The following POFUT3 variants were observed in gnomAD, a reference collection of about 807,000 sequenced individuals.
POFUT3 encodes the protein protein O-fucosyltransferase 3.
chr8:33,407,421 A>G, the POFUT3 span, among the ~76,000 whole-genome samples: 1 of 152,236 alleles, frequency 6.6e-6, no homozygotes, highest in South Asian at 2.1e-4. Flanking sequence ...TAATTTGTTA[A>G]TCTTAGTGCT....
At chr8:33,419,791 CATTTATTTAAACTTCATTT>C in the POFUT3 span, among the ~76,000 whole-genome samples, 151 of 152,228 alleles carry the variant, frequency 9.9e-4, no homozygotes, top group African/African-American at 3.2e-3. Context: ...TATGTTAGGT[CATTTATTTAAACTTCATTT>C]ATTTATTTAA....
At chr8:33,466,350 G>T in the POFUT3 span, among the ~76,000 whole-genome samples, 1 of 152,018 alleles carries the variant, frequency 6.6e-6, no homozygotes, top group Non-Finnish European at 1.5e-5. Context: ...AATCACCTGA[G>T]CCCAGGAGTT....
At chr8:33,310,466 C>A in the POFUT3 span, among the ~76,000 whole-genome samples, 3,800 of 152,112 alleles carry the variant, frequency 0.025, 167 homozygotes, top group African/African-American at 0.087. Flanking sequence ...AATCCCAGCA[C>A]TTTGGCCTCA....
the POFUT3 span, among the ~76,000 whole-genome samples, chr8:33,444,197 T>C: frequency 6.6e-6 from 1 of 151,986 alleles, no homozygotes; most frequent in Non-Finnish European, 1.5e-5. Context: ...GGAAGCACTA[T>C]GTCAGAGAGA....
chr8:33,454,601 A>G, the POFUT3 span, among the ~76,000 whole-genome samples: 1 of 152,172 alleles, frequency 6.6e-6, no homozygotes, highest in Non-Finnish European at 1.5e-5. Flanking sequence ...CAACGATTCT[A>G]CTAAACACTT....
At chr8:33,324,647 C>T in the POFUT3 span, among the ~76,000 whole-genome samples, 1 of 152,110 alleles carries the variant, frequency 6.6e-6, no homozygotes, top group Non-Finnish European at 1.5e-5. Flanking sequence ...ACACGCAAAA[C>T]ACTTTTAAAA....
At chr8:33,407,936 C>G in the POFUT3 span, among the ~76,000 whole-genome samples, 3 of 144,600 alleles carry the variant, frequency 2.1e-5, no homozygotes, top group Non-Finnish European at 3.0e-5. Flanking sequence ...TGCAGGGAGC[C>G]GAGATGGCAC....
the POFUT3 span, among the ~76,000 whole-genome samples, chr8:33,399,034 TTTGTTG>T: frequency 0.014 from 2,186 of 151,914 alleles, 54 homozygotes; most frequent in African/African-American, 0.049. Flanking sequence ...TTTTTCTAGT[TTTGTTG>T]TTGTTGTTGT....
the POFUT3 span, among the ~76,000 whole-genome samples, chr8:33,465,999 T>C: frequency 2.6e-5 from 4 of 152,224 alleles, no homozygotes; most frequent in Admixed American, 2.6e-4. Context: ...TTTTGGGACC[T>C]TCGCATAGCT....
chr8:33,412,652 G>C, the POFUT3 span, among the ~76,000 whole-genome samples: 1 of 152,284 alleles, frequency 6.6e-6, no homozygotes, highest in African/African-American at 2.4e-5. Flanking sequence ...GTTTGAGACA[G>C]AGTCTCACTC....
the POFUT3 span, among the ~76,000 whole-genome samples, chr8:33,332,738 C>T: frequency 7.6e-3 from 1,151 of 152,200 alleles, 16 homozygotes; most frequent in African/African-American, 0.026. Flanking sequence ...TTTGTAAACT[C>T]GTGTGTAATG....
the POFUT3 span, among the ~76,000 whole-genome samples, chr8:33,451,047 G>A: frequency 6.8e-6 from 1 of 146,858 alleles, no homozygotes. Flanking sequence ...AAAAAGTACA[G>A]TACACACAAA....
chr8:33,420,690 T>C, the POFUT3 span, among the ~76,000 whole-genome samples: 1 of 152,078 alleles, frequency 6.6e-6, no homozygotes, highest in African/African-American at 2.4e-5. Context: ...AATATAAGTA[T>C]GACAATTACA....
At chr8:33,382,111 G>C in the POFUT3 span, among the ~76,000 whole-genome samples, 1 of 152,072 alleles carries the variant, frequency 6.6e-6, no homozygotes, top group Non-Finnish European at 1.5e-5. Context: ...TGGGAAACAT[G>C]GCAAAACTCC....
the POFUT3 span, among the ~76,000 whole-genome samples, chr8:33,386,120 C>G: frequency 1.5e-5 from 2 of 131,880 alleles, no homozygotes; most frequent in African/African-American, 3.0e-5. Context: ...GCCTAGGAGG[C>G]AGAGGTTGCA....
chr8:33,457,787 A>T, the POFUT3 span, among the ~76,000 whole-genome samples: 1 of 152,138 alleles, frequency 6.6e-6, no homozygotes, highest in African/African-American at 2.4e-5. Context: ...ATAAATATAC[A>T]TATATACCCA....
At chr8:33,398,149 AT>A in the POFUT3 span, among the ~76,000 whole-genome samples, 1 of 152,214 alleles carries the variant, frequency 6.6e-6, no homozygotes, top group Admixed American at 6.5e-5. Flanking sequence ...TGAATTACTG[AT>A]AAGTACACAG....
the POFUT3 span, among the ~76,000 whole-genome samples, chr8:33,424,639 C>T: frequency 1.3e-5 from 2 of 152,206 alleles, no homozygotes; most frequent in African/African-American, 4.8e-5. Context: ...AACTCCCTTT[C>T]ACTCCATTTT....
the POFUT3 span, chr8:33,372,462 A>G: frequency 7.6e-6 from 11 of 1,453,280 alleles, no homozygotes; most frequent in Non-Finnish European, 1.0e-5. Flanking sequence ...TGCAGCAACT[A>G]ATTATTATCC....
Sources: gnomAD v4.1 joint callset for allele counts (sites outside exome capture counted in the v4.1 genomes callset) on GRCh38, gnomAD v4.1.1 for gene constraint, MANE v1.5 for transcripts, NCBI Gene and HGNC (gene_info 2026-07-23, HGNC 2026-07-21) for gene names.